ZBTB7C: variants seen among roughly 807,000 people sequenced by gnomAD.
ZBTB7C encodes the protein zinc finger and BTB domain containing 7C, also known as zinc finger and BTB domain-containing protein 7C.
A neutral mutation model predicts 25.7 loss-of-function variants in ZBTB7C; 8 were observed. That is an observed-to-expected ratio of 0.31 (90% confidence interval 0.18 to 0.56). ZBTB7C has a LOEUF of 0.56. Among genes scored for constraint, ZBTB7C ranks in the 20% least tolerant of loss-of-function variants. The pLI is 0.91. For synonymous variants in ZBTB7C, 394 were observed against 369.0 expected (o/e 1.07, Z -0.78); for missense variants, 824 against 855.2 (o/e 0.96, Z 0.46).
At chr18:48,079,639 A>C (rs888662849) in intron 3 of ZBTB7C, among the ~76,000 whole-genome samples, 2 of 152,198 alleles carry the variant, frequency 1.3e-5, no homozygotes, top group Non-Finnish European at 2.9e-5. Context: ...TGGCCTAAGG[A>C]GAAGGCAGCC....
chr18:48,114,103 A>G (rs1277341292), intron 3 of ZBTB7C, among the ~76,000 whole-genome samples: 1 of 152,186 alleles, frequency 6.6e-6, no homozygotes, highest in Non-Finnish European at 1.5e-5. Context: ...GACAGCCACA[A>G]GTACAAGGCA....
At chr18:48,411,215 A>G (rs2048382011), upstream of ZBTB7C, among the ~76,000 whole-genome samples, 2 of 152,108 alleles carry the variant, frequency 1.3e-5, no homozygotes, top group African/African-American at 2.4e-5. Context: ...CAATTATGTC[A>G]CGTTTAATTT....
chr18:48,380,601 G>C (rs2047614229), intron 1 of ZBTB7C, among the ~76,000 whole-genome samples: 1 of 152,158 alleles, frequency 6.6e-6, no homozygotes, highest in South Asian at 2.1e-4. Context: ...CAACCCAGTA[G>C]CAATGAGCAC....
chr18:48,102,564 CAAA>C (rs58790347), intron 3 of ZBTB7C, among the ~76,000 whole-genome samples: 28 of 95,598 alleles, frequency 2.9e-4, no homozygotes, highest in Non-Finnish European at 3.3e-4. Flanking sequence ...GATCCTCCCT[CAAA>C]AAAAAAAAAA....
chr18:48,367,072 T>C (rs1211662794), intron 1 of ZBTB7C, among the ~76,000 whole-genome samples: 1 of 150,316 alleles, frequency 6.7e-6, no homozygotes, highest in African/African-American at 2.5e-5. Flanking sequence ...ATTTATGACA[T>C]CTTCAGCAAT....
At chr18:48,410,869 A>G (rs1171958733), upstream of ZBTB7C, 1 of 152,232 alleles carries the variant, frequency 6.6e-6, no homozygotes, top group Non-Finnish European at 1.5e-5. Flanking sequence ...GGCGCCCAGG[A>G]GAGGCGAGAT....
chr18:48,244,669 C>T (rs1038214456), intron 2 of ZBTB7C, among the ~76,000 whole-genome samples: 6 of 152,034 alleles, frequency 3.9e-5, no homozygotes, highest in Non-Finnish European at 5.9e-5. Context: ...GATATACAAA[C>T]AGCAAACAAA....
chr18:48,029,501 C>A lies in ZBTB7C; in HGVS notation c.1619G>T (p.Gly540Val). 6.3e-7 allele frequency: 1 copy of A among 1,591,002 alleles called. No homozygotes were observed. Among genetic ancestry groups the A allele is most frequent in the Non-Finnish European group, 8.5e-7 (1 of 1,174,440 alleles). ...CTCCAGCTCTTGCAGGCTCAGGGCG[C>A]CCTTGGGCGCTGCCAGGAAGTGCTT... is the stretch of plus-strand genomic sequence containing the variant. ...PAKHFLAAPK[G>V]ALSLQELERQ... Residue 540 changes from glycine to valine, a missense_variant, in exon 5 of 5, where the codon GGC (glycine) becomes GTC (valine). Gly to Val is a moderately radical substitution (Grantham distance 109). This residue lies in a region of ZBTB7C where 342 missense variants were observed against 307.0 expected (regional missense o/e 1.11). Coordinates refer to ENST00000590800, the MANE Select transcript of ZBTB7C (RefSeq NM_001318841.2).
At chr18:48,165,366 A>C in intron 3 of ZBTB7C, 1 of 382,016 alleles carries the variant, frequency 2.6e-6, no homozygotes, top group Non-Finnish European at 5.2e-6. Flanking sequence ...GATGAGCAAG[A>C]ATCGCCCTGC....
intron 2 of ZBTB7C, among the ~76,000 whole-genome samples, chr18:48,214,536 C>T (rs1001370045): frequency 6.6e-6 from 1 of 152,234 alleles, no homozygotes; most frequent in Non-Finnish European, 1.5e-5. Context: ...TAAAACCTAC[C>T]AAAACCAAGA....
chr18:48,036,752 T>C (rs2035990050), intron 4 of ZBTB7C, among the ~76,000 whole-genome samples: 1 of 152,006 alleles, frequency 6.6e-6, no homozygotes, highest in South Asian at 2.1e-4. Flanking sequence ...CCGTCTCTGC[T>C]CTAAGTGGCT....
At chr18:48,408,613 A>G (rs984243726) in intron 1 of ZBTB7C, 5 of 152,200 alleles carry the variant, frequency 3.3e-5, no homozygotes, top group Non-Finnish European at 7.3e-5. Flanking sequence ...CAGCCTTTCC[A>G]GCTCATTTTC....
chr18:48,387,780 C>T (rs890036148), intron 1 of ZBTB7C, among the ~76,000 whole-genome samples: 3 of 152,172 alleles, frequency 2.0e-5, no homozygotes, highest in Non-Finnish European at 4.4e-5. Flanking sequence ...GCATGGTTTT[C>T]GCCCTCTATG....
At chr18:48,302,273 T>A (rs892859908) in intron 2 of ZBTB7C, among the ~76,000 whole-genome samples, 4 of 152,186 alleles carry the variant, frequency 2.6e-5, no homozygotes, top group African/African-American at 9.7e-5. Flanking sequence ...CAGGAGAGGA[T>A]AGGGCTGTCA....
chr18:48,077,985 G>T (rs9950814), intron 3 of ZBTB7C, among the ~76,000 whole-genome samples: 4 of 149,094 alleles, frequency 2.7e-5, no homozygotes, highest in East Asian at 2.1e-4. Context: ...GGGGTGGGGG[G>T]GAGGGCAGGC....
chr18:48,257,969 G>A (rs1456736161), intron 2 of ZBTB7C, among the ~76,000 whole-genome samples: 3 of 152,142 alleles, frequency 2.0e-5, no homozygotes, highest in Non-Finnish European at 2.9e-5. Context: ...AGGAGTTCAA[G>A]GCTCCAGTGA....
chr18:48,330,911 C>T (rs1234545042), intron 2 of ZBTB7C, among the ~76,000 whole-genome samples: 6 of 152,092 alleles, frequency 3.9e-5, no homozygotes, highest in Non-Finnish European at 8.8e-5. Flanking sequence ...TGTGGGCGTG[C>T]GGAGGCAAGG....
At chr18:48,199,278 C>A (rs556189824) in intron 2 of ZBTB7C, among the ~76,000 whole-genome samples, 1 of 152,210 alleles carries the variant, frequency 6.6e-6, no homozygotes, top group Non-Finnish European at 1.5e-5. Flanking sequence ...TTCCTCTCCT[C>A]GGGTTTTATT....
chr18:48,255,021 C>T (rs1446848887), intron 2 of ZBTB7C, among the ~76,000 whole-genome samples: 1 of 152,144 alleles, frequency 6.6e-6, no homozygotes, highest in Non-Finnish European at 1.5e-5. Flanking sequence ...TTAATCTAGT[C>T]CCACCGAACA....
Sources: allele counts gnomAD v4.1 joint callset (sites outside exome capture counted in the v4.1 genomes callset), GRCh38; gene constraint gnomAD v4.1.1; regional missense constraint gnomAD v4.1.1; transcripts MANE v1.5; gene names NCBI Gene and HGNC (gene_info 2026-07-23, HGNC 2026-07-21).